The following SLCO1B3 variants were observed in gnomAD, a reference collection of about 807,000 sequenced individuals.
SLCO1B3 encodes the protein liver-specific organic anion transporter 2.
In SLCO1B3, 72 loss-of-function variants were observed where a neutral mutation model predicts 71.8. The observed-to-expected ratio is 1.00, with a 90% CI of 0.83 to 1.22. The LOEUF (loss-of-function observed/expected upper bound fraction) is 1.22. Ranked by LOEUF, SLCO1B3 falls within the 50% of genes most tolerant of loss-of-function variation. SLCO1B3 has a pLI of 0.00. For missense variants in SLCO1B3, 911 were observed against 819.7 expected, an observed-to-expected ratio of 1.11 and a Z score of -1.36; for synonymous variants, 298 against 278.4, an observed-to-expected ratio of 1.07 and a Z score of -0.70.
rs139672136 is a variant in SLCO1B3, at chr12:20,856,990, G to A, written c.227-1449G>A. On this transcript the variant is annotated intron_variant, in intron 4 of 15. Transcript: ENST00000381545. ...TTTTTTTTTAGGAAGAATTGAAAAC[G>A]TGGCATATTTTCTAAGCCCTTGCCT... Among the ~76,000 whole-genome samples, 917 of 152,162 alleles carry A rather than the reference G, an allele frequency of 6.0e-3. 5 individuals carry two copies. Among genetic ancestry groups the A allele is most frequent in the Non-Finnish European group, 0.011 (718 of 68,014 alleles).
chr12:20,835,004 C>G (rs1017918508), intron 3 of SLCO1B3, among the ~76,000 whole-genome samples: 2 of 152,230 alleles, frequency 1.3e-5, no homozygotes, highest in Admixed American at 6.5e-5. Flanking sequence ...CCTCTGAAAT[C>G]TAGGTGGAGG....
At chr12:20,841,505 A>G (rs1004655183) in intron 3 of SLCO1B3, among the ~76,000 whole-genome samples, 6 of 78,066 alleles carry the variant, frequency 7.7e-5, no homozygotes, top group African/African-American at 1.5e-4. Context: ...ATTGCCTGCC[A>G]TAATTGCACT....
At chr12:20,875,007 C>T (rs138537924) in intron 8 of SLCO1B3, among the ~76,000 whole-genome samples, 352 of 152,218 alleles carry the variant, frequency 2.3e-3, no homozygotes, top group African/African-American at 7.8e-3. Flanking sequence ...TCAGGCAATG[C>T]GAACAGTGTC....
At chr12:20,874,223 G>A (rs140544795) in intron 8 of SLCO1B3, among the ~76,000 whole-genome samples, 124 of 152,220 alleles carry the variant, frequency 8.1e-4, no homozygotes, top group Admixed American at 2.2e-3. Flanking sequence ...TTCGCTCTGT[G>A]TTAAGCCAGA....
intron 12 of SLCO1B3, among the ~76,000 whole-genome samples, 183 bp downstream of exon 12, chr12:20,881,203 C>A (rs1241285125): frequency 1.3e-5 from 2 of 152,104 alleles, no homozygotes; most frequent in Non-Finnish European, 2.9e-5. Context: ...TAAAACTCTG[C>A]TTAGGACACA....
chr12:20,827,866 G>C (rs7977213), intron 3 of SLCO1B3, among the ~76,000 whole-genome samples: 80,893 of 151,994 alleles, frequency 0.53, 22,201 homozygotes, highest in East Asian at 0.75. Context: ...CGGTGCACAA[G>C]CTCCAATTTC....
intron 3 of SLCO1B3, among the ~76,000 whole-genome samples, chr12:20,838,517 T>G (rs7964962): frequency 0.72 from 110,006 of 151,836 alleles, 42,428 homozygotes; most frequent in South Asian, 0.9. Flanking sequence ...TGCACTGTCA[T>G]ACAAATTTTT....
chr12:20,901,205 T>C (rs1238704636), intron 14 of SLCO1B3, 145 bp from the exon 15 acceptor site: 5 of 600,590 alleles, frequency 8.3e-6, no homozygotes, highest in Admixed American at 3.3e-5. Context: ...TAATTTTGAT[T>C]CCTGGGTGGA....
chr12:20,878,103 G>T (rs1285433345), intron 10 of SLCO1B3, among the ~76,000 whole-genome samples, 167 bp downstream of exon 10: 1 of 151,646 alleles, frequency 6.6e-6, no homozygotes, highest in Non-Finnish European at 1.5e-5. Flanking sequence ...TCGTTGTTCT[G>T]CATTTGAAGT....
intron 10 of SLCO1B3, among the ~76,000 whole-genome samples, chr12:20,879,205 C>CTTTTT (rs4149166): frequency 0.018 from 1,671 of 95,088 alleles, 13 homozygotes; most frequent in Non-Finnish European, 0.025. Flanking sequence ...ACCCTTCTCT[C>CTTTTT]TTTTTTTTTT....
intron 3 of SLCO1B3, among the ~76,000 whole-genome samples, chr12:20,849,112 TG>T (rs1409681254): frequency 6.6e-6 from 1 of 151,930 alleles, no homozygotes; most frequent in Non-Finnish European, 1.5e-5. Context: ...ATTTTTTTTT[TG>T]TGAATCTAAA....
At position 20,901,433 on chromosome 12, in the gene SLCO1B3, G is replaced by A. The variant is rs1399045554; in HGVS notation, c.1831G>A (p.Gly611Arg). 3 of 1,569,060 alleles carry A rather than the reference G, an allele frequency of 1.9e-6. No homozygotes were observed. Among genetic ancestry groups the A allele is most frequent in the Admixed American group, 2.1e-5 (1 of 48,242 alleles). The part of the protein sequence containing the change: ...KWSTNSCGAQ[G>R]ACRIYNSVFF... Reference sequence around the variant, plus strand: ...GTCCACCAACAGCTGTGGAGCACAAGGGGCTTGTAGGATATATAATTCCGT... The same window carrying A: ...GTCCACCAACAGCTGTGGAGCACAAAGGGCTTGTAGGATATATAATTCCGT... Residue 611 changes from glycine (G) to arginine (R), a missense_variant, in exon 15 of 16, where the codon GGG (glycine) becomes AGG (arginine). Physicochemically the swap from Gly to Arg is moderately radical, Grantham distance 125. Coordinates refer to ENST00000381545, the MANE Select transcript of SLCO1B3 (RefSeq NM_019844.4).
intron 14 of SLCO1B3, among the ~76,000 whole-genome samples, chr12:20,900,694 A>C (rs1866112114): frequency 6.6e-6 from 1 of 152,142 alleles, no homozygotes; most frequent in Admixed American, 6.5e-5. Context: ...AGGTATTAAA[A>C]AGTGCATGAA....
chr12:20,869,706 A>C (rs1342738641), intron 8 of SLCO1B3, among the ~76,000 whole-genome samples: 1 of 152,140 alleles, frequency 6.6e-6, no homozygotes, highest in Non-Finnish European at 1.5e-5. Context: ...TTATACGTAT[A>C]TATCACATTT....
chr12:20,831,354 A>T (rs2196025), intron 3 of SLCO1B3, among the ~76,000 whole-genome samples: 69,120 of 118,196 alleles, frequency 0.58, 18,690 homozygotes, highest in South Asian at 0.73. Flanking sequence ...GAGACGCCAT[A>T]TCAAAAAAAA....
At chr12:20,881,866 A>G (rs1565600922) in intron 12 of SLCO1B3, among the ~76,000 whole-genome samples, 1 of 152,112 alleles carries the variant, frequency 6.6e-6, no homozygotes, top group Non-Finnish European at 1.5e-5. Flanking sequence ...ATGACTCTCT[A>G]CCACACTCTT....
intron 3 of SLCO1B3, among the ~76,000 whole-genome samples, chr12:20,826,633 T>C (rs1029436204): frequency 6.6e-6 from 1 of 151,998 alleles, no homozygotes; most frequent in Non-Finnish European, 1.5e-5. Context: ...GCTTGGACTT[T>C]CTGTGTTATC....
intron 3 of SLCO1B3, among the ~76,000 whole-genome samples, chr12:20,818,604 A>G (rs1864234081): frequency 1.3e-5 from 2 of 152,106 alleles, no homozygotes; most frequent in East Asian, 3.9e-4. Flanking sequence ...GGAGTAGCAG[A>G]TGGAATAGCA....
chr12:20,890,492 G>GGTAAAATGTTCT (rs555541319), intron 13 of SLCO1B3, among the ~76,000 whole-genome samples: 2 of 152,122 alleles, frequency 1.3e-5, no homozygotes, highest in African/African-American at 2.4e-5. Context: ...GAGGTTGTAG[G>GGTAAAATGTTCT]GTAAAATGTT....
Sources: allele counts gnomAD v4.1 joint callset (sites outside exome capture counted in the v4.1 genomes callset), GRCh38; gene constraint gnomAD v4.1.1; transcripts MANE v1.5; gene names NCBI Gene and HGNC (gene_info 2026-07-23, HGNC 2026-07-21).